Variants in NTPCR observed in about 807,000 individuals in gnomAD.
The protein encoded by NTPCR is nucleoside-triphosphatase, cancer-related, also known as cancer-related nucleoside-triphosphatase.
NTPCR carries 15 observed loss-of-function variants against 19.5 expected under a neutral mutation model. The ratio of observed to expected loss-of-function variants is 0.77; its 90% CI spans 0.51 to 1.18. The LOEUF (loss-of-function observed/expected upper bound fraction) is 1.18, where lower values mean the gene tolerates loss of function less well. NTPCR is among the 50% of genes most tolerant of loss of function. The pLI is 0.00. For missense variants in NTPCR, 206 were observed against 240.4 expected (o/e 0.86, Z 0.95); for synonymous variants, 90 against 95.8 (o/e 0.94, Z 0.36).
chr1:232,956,236 T>G lies in NTPCR; in HGVS notation c.198-111T>G, dbSNP rs970348545. 36 of 753,346 alleles carry G rather than the reference T, an allele frequency of 4.8e-5. No homozygotes were observed. In the Admixed American group the frequency reaches 7.4e-4, roughly 16 times the overall value. The allele number at this position is 753,346 out of a possible 1,614,324, so 46.7% of individuals were successfully genotyped here. On this transcript the variant is annotated intron_variant, in intron 2 of 4. Coordinates refer to ENST00000366628, the MANE Select transcript of NTPCR (RefSeq NM_032324.3). ...GACCACCGCATTTTGTGTTGGTCAT[T>G]TTTAAGGATGATTTAGCATATGTGG...
At chr1:232,976,767 G>A (rs1038817827) in intron 4 of NTPCR, 2 of 454,292 alleles carry the variant, frequency 4.4e-6, no homozygotes, top group Non-Finnish European at 7.5e-6. Context: ...GTAGAAATGG[G>A]ATCACGGGAT....
At chr1:232,969,340 A>T (rs1430009198) in intron 3 of NTPCR, 1 of 155,048 alleles carries the variant, frequency 6.4e-6, no homozygotes, top group Non-Finnish European at 1.4e-5. Context: ...ACAACCAGAA[A>T]ATAAGTGGCA....
Position 232,981,679 on chromosome 1 carries a change from AGAG to A in NTPCR, c.*3452_*3454del. 1 of 151,118 alleles carries A rather than the reference AGAG, an allele frequency of 6.6e-6. No homozygotes were observed. The highest frequency in any genetic ancestry group is 2.4e-5 in the African/African-American group (1 of 41,144). 9.4% of individuals were successfully genotyped at this position (151,118 alleles called of 1,614,324 possible). A position where few individuals can be genotyped will look rare whatever the true frequency, so the allele number is the denominator to read the frequency against. On this transcript the variant is annotated 3_prime_UTR_variant, in exon 5 of 5. Transcript: ENST00000366628. ...GTGCTATGGTTTTAATATTATCTTT[AGAG>A]GAGAAACCATTTTGATCTGTGTCCA... is the stretch of plus-strand genomic sequence containing the variant.
intron 1 of NTPCR, among the ~76,000 whole-genome samples, chr1:232,953,790 T>C (rs1668439276): frequency 6.6e-6 from 1 of 152,210 alleles, no homozygotes; most frequent in Non-Finnish European, 1.5e-5. Context: ...ACCTGCTTTT[T>C]CCATATATTA....
At chr1:232,968,602 C>T (rs79020873) in intron 3 of NTPCR, 7,217 of 152,280 alleles carry the variant, frequency 0.047, 214 homozygotes, top group Middle Eastern at 0.072. Context: ...CCCGCAGCCC[C>T]GTCTGTCACT....
intron 4 of NTPCR, among the ~76,000 whole-genome samples, chr1:232,972,484 T>G (rs1299880420): frequency 6.6e-6 from 1 of 151,774 alleles, no homozygotes; most frequent in African/African-American, 2.4e-5. Context: ...TGGAGTGCAG[T>G]GGCATGCTCT....
chr1:232,970,120 T>C lies in NTPCR; in HGVS notation c.504+2T>C. On this transcript the variant is annotated splice_donor_variant, in intron 4 of 4. Coordinates refer to ENST00000366628, the MANE Select transcript of NTPCR (RefSeq NM_032324.3). LOFTEE classifies it high-confidence loss of function. The stretch of plus-strand genomic sequence containing the variant: ...AGAAAGGATGTGAAGGTGTTTAATG[T>C]GAGTACAGCCAGTCCTCCATAATCA... The C allele has an allele frequency of 1.2e-6, 2 of 1,609,778 alleles. No individual in the cohort carries two copies.
chr1:232,966,593 T>C (rs1313362064), intron 3 of NTPCR: 1 of 152,230 alleles, frequency 6.6e-6, no homozygotes, highest in Non-Finnish European at 1.5e-5. Flanking sequence ...TACGAAGATA[T>C]TTGTTGTTCT....
chr1:232,955,643 G>C lies in NTPCR; in HGVS notation c.121G>C (p.Val41Leu). 1.9e-6 allele frequency: 3 copies of C among 1,613,126 alleles called. No homozygotes were observed. Among genetic ancestry groups the C allele is most frequent in the African/African-American group, 1.3e-5 (1 of 74,702 alleles). Residue 41 changes from valine to leucine, a missense_variant, in exon 2 of 5, where the codon GTC (valine) becomes CTC (leucine). By Grantham distance (32) the Val-to-Leu change is conservative. Transcript: ENST00000366628. ...VPVDGFYTEEVRQGGRRIGFD... is the reference protein window; with the variant it reads ...VPVDGFYTEELRQGGRRIGFD... ...TGTTGATGGATTTTATACCGAAGAA[G>C]TCAGACAGGGAGGGAGAAGAATAGG... is the stretch of plus-strand genomic sequence containing the variant.
At chr1:232,972,493 C>T (rs1405100786) in intron 4 of NTPCR, among the ~76,000 whole-genome samples, 1 of 151,900 alleles carries the variant, frequency 6.6e-6, no homozygotes, top group African/African-American at 2.4e-5. Context: ...GTGGCATGCT[C>T]TTGGCTCACT....
chr1:232,976,631 C>A, intron 4 of NTPCR: 1 of 1,416,214 alleles, frequency 7.1e-7, no homozygotes, highest in Admixed American at 3.2e-5. Flanking sequence ...GCTGACTGTC[C>A]TCATTTCAAG....
intron 3 of NTPCR, among the ~76,000 whole-genome samples, chr1:232,960,719 G>A (rs1668647373): frequency 6.6e-6 from 1 of 152,138 alleles, no homozygotes; most frequent in African/African-American, 2.4e-5. Flanking sequence ...TAGAGTGTGT[G>A]TGGTAAGTGT....
intron 1 of NTPCR, among the ~76,000 whole-genome samples, chr1:232,954,966 T>C (rs570202952): frequency 5.3e-5 from 8 of 152,126 alleles, no homozygotes; most frequent in African/African-American, 1.4e-4. Flanking sequence ...TTGGAAGGAG[T>C]TGCTAACCTG....
chr1:232,958,844 A>G (rs1668588171), intron 3 of NTPCR, among the ~76,000 whole-genome samples: 2 of 152,228 alleles, frequency 1.3e-5, no homozygotes, highest in Admixed American at 1.3e-4. Context: ...CTGGGTCAAT[A>G]CAAAGAATTT....
chr1:232,958,442 C>G (rs1440459541), intron 3 of NTPCR, among the ~76,000 whole-genome samples: 1 of 152,204 alleles, frequency 6.6e-6, no homozygotes, highest in Non-Finnish European at 1.5e-5. Context: ...CAGAGCTCAG[C>G]TGAAGTATGT....
rs754076248 is a variant in NTPCR at position 232,950,758 on chromosome 1, G to T, written c.34+14G>T. Reference sequence around the variant, plus strand: ...CGGGGCCCCCAGGTAACCCTGAGGGGATCCCCACCTCCAAGAGGTCGAGGG... The same window carrying T: ...CGGGGCCCCCAGGTAACCCTGAGGGTATCCCCACCTCCAAGAGGTCGAGGG... On this transcript the variant is annotated intron_variant, in intron 1 of 4. Coordinates refer to ENST00000366628, the MANE Select transcript of NTPCR (RefSeq NM_032324.3). 5 of 1,583,510 alleles carry T rather than the reference G, an allele frequency of 3.2e-6. No homozygotes were observed. Among genetic ancestry groups the T allele is most frequent in the Non-Finnish European group, 4.3e-6 (5 of 1,161,816 alleles).
chr1:232,978,271 T>C lies in NTPCR; in HGVS notation c.*40T>C. 1.3e-6 allele frequency: 2 copies of C among 1,571,320 alleles called. No homozygotes were observed. The highest frequency in any genetic ancestry group is 1.3e-5 in the African/African-American group (1 of 74,180). Reference sequence around the variant, plus strand: ...CTGCCTTCCGTGAAGGAGTGCCCAGTTCAAGAGGAGCCTGATGGAGCCCTG... The same window carrying C: ...CTGCCTTCCGTGAAGGAGTGCCCAGCTCAAGAGGAGCCTGATGGAGCCCTG... On this transcript the variant is annotated 3_prime_UTR_variant, in exon 5 of 5. Coordinates refer to ENST00000366628, the MANE Select transcript of NTPCR (RefSeq NM_032324.3).
chr1:232,963,619 TCATAC>T (rs1382315467), intron 3 of NTPCR: 1 of 152,192 alleles, frequency 6.6e-6, no homozygotes, highest in Non-Finnish European at 1.5e-5. Flanking sequence ...AGGAGGAAGT[TCATAC>T]GGGGTGAGTT....
Position 232,973,450 on chromosome 1 carries a change from G to A in NTPCR, c.504+3332G>A, listed in dbSNP as rs182944588. Among the ~76,000 whole-genome samples, 185 of 152,276 alleles carry A rather than the reference G, an allele frequency of 1.2e-3. 1 individual carries two copies. Among genetic ancestry groups the A allele is most frequent in the African/African-American group, 4.0e-3 (168 of 41,554 alleles). The stretch of plus-strand genomic sequence containing the variant: ...ATACAAGCATAAGAAGACCTGAAAA[G>A]TGAAGAGAAAAAGACAGACTGGCTA... On this transcript the variant is annotated intron_variant, in intron 4 of 4. Coordinates refer to ENST00000366628, the MANE Select transcript of NTPCR (RefSeq NM_032324.3).
Sources: gnomAD v4.1 joint callset for allele counts (sites outside exome capture counted in the v4.1 genomes callset) on GRCh38, gnomAD v4.1.1 for gene constraint, MANE v1.5 for transcripts, NCBI Gene and HGNC (gene_info 2026-07-23, HGNC 2026-07-21) for gene names.